Variants in FGGY observed in about 807,000 individuals in gnomAD.
FGGY encodes the protein FGGY carbohydrate kinase domain containing, also known as FGGY carbohydrate kinase domain-containing protein.
FGGY carries 72 observed loss-of-function variants against 71.3 expected under a neutral mutation model. The observed-to-expected ratio is 1.01, with a 90% CI of 0.84 to 1.23. FGGY has a LOEUF of 1.23. Among genes scored for constraint, FGGY ranks in the 50% most tolerant of loss-of-function variants. The pLI is 0.00. For synonymous variants in FGGY, 251 were observed against 250.3 expected, an observed-to-expected ratio of 1.00 and a Z score of -0.02; for missense variants, 668 against 682.3, an observed-to-expected ratio of 0.98 and a Z score of 0.23.
intron 7 of FGGY, among the ~76,000 whole-genome samples, chr1:59,538,269 A>G (rs529269892): frequency 3.3e-5 from 5 of 151,962 alleles, no homozygotes; most frequent in Admixed American, 2.6e-4. Flanking sequence ...GCCATCAGAG[A>G]AATGCAAATC....
intron 1 of FGGY, among the ~76,000 whole-genome samples, chr1:59,305,135 C>G (rs973832202): frequency 2.0e-5 from 3 of 152,066 alleles, no homozygotes; most frequent in African/African-American, 4.8e-5. Context: ...TCTCTTGTTC[C>G]TGATCTTAAA....
At chr1:59,592,571 G>A (rs1267487465) in intron 8 of FGGY, among the ~76,000 whole-genome samples, 2 of 152,144 alleles carry the variant, frequency 1.3e-5, no homozygotes, top group African/African-American at 2.4e-5. Context: ...TTAAGAAAAT[G>A]TGGCACATAT....
rs551128248 is a variant in FGGY, at chr1:59,405,322, CT to C, written c.554+26490del. 1.9e-4 allele frequency among the ~76,000 whole-genome samples: 29 copies of C among 152,310 alleles called. No individual in the cohort carries two copies. The East Asian group carries it at 5.6e-3, about 29-fold the overall frequency. The stretch of plus-strand genomic sequence containing the variant: ...ACTATGCTTTTGTGCTATCCTGATG[CT>C]TTTTCGATTCTGTAACTTATTCCTG... On this transcript the variant is annotated intron_variant, in intron 5 of 15. Transcript: ENST00000303721.
At chr1:59,578,700 G>A (rs1256099194) in intron 8 of FGGY, among the ~76,000 whole-genome samples, 1 of 152,016 alleles carries the variant, frequency 6.6e-6, no homozygotes, top group Non-Finnish European at 1.5e-5. Flanking sequence ...ACAGTTCGTG[G>A]AACAAATTTA....
chr1:59,486,966 G>T (rs554025010), intron 6 of FGGY, among the ~76,000 whole-genome samples: 3 of 152,100 alleles, frequency 2.0e-5, no homozygotes, highest in Non-Finnish European at 2.9e-5. Context: ...AGTCTAGGTT[G>T]TATGAAAAAA....
chr1:59,687,668 C>G (rs1192452739), intron 14 of FGGY, among the ~76,000 whole-genome samples: 3 of 151,488 alleles, frequency 2.0e-5, no homozygotes, highest in Admixed American at 1.3e-4. Flanking sequence ...TGGTGTTTCA[C>G]CGTGTTAGCC....
At chr1:59,303,137 A>C (rs2043016299) in intron 1 of FGGY, among the ~76,000 whole-genome samples, 1 of 152,208 alleles carries the variant, frequency 6.6e-6, no homozygotes, top group East Asian at 1.9e-4. Flanking sequence ...TGGTGAGAAC[A>C]CTTAAGATTT....
intron 5 of FGGY, among the ~76,000 whole-genome samples, chr1:59,403,607 G>A (rs2062285293): frequency 6.6e-6 from 1 of 152,162 alleles, no homozygotes. Flanking sequence ...GGGCCACCTG[G>A]CAAAAGGACA....
chr1:59,567,320 AAT>A (rs145950972), intron 8 of FGGY, among the ~76,000 whole-genome samples: 2 of 151,402 alleles, frequency 1.3e-5, no homozygotes, highest in South Asian at 2.1e-4. Context: ...GCAGGCCAAA[AAT>A]ATATATATAT....
intron 5 of FGGY, among the ~76,000 whole-genome samples, chr1:59,440,195 T>C (rs2069476218): frequency 6.6e-6 from 1 of 150,780 alleles, no homozygotes; most frequent in East Asian, 1.9e-4. Flanking sequence ...GCCCTAAGAG[T>C]GCTCTCAATT....
chr1:59,695,078 A>G (rs143221585), intron 14 of FGGY, among the ~76,000 whole-genome samples: 6 of 152,350 alleles, frequency 3.9e-5, no homozygotes, highest in African/African-American at 1.2e-4. Context: ...GAAAACTCCT[A>G]CTAATCCTTC....
chr1:59,641,203 A>G (rs2097022472), intron 11 of FGGY: 2 of 1,162,488 alleles, frequency 1.7e-6, no homozygotes, highest in East Asian at 2.5e-5. Flanking sequence ...TCCTTGTATC[A>G]TTGTCTAACC....
At chr1:59,372,240 C>T (rs907436941) in intron 4 of FGGY, among the ~76,000 whole-genome samples, 2 of 152,024 alleles carry the variant, frequency 1.3e-5, no homozygotes, top group African/African-American at 4.8e-5. Flanking sequence ...ACCACCGATC[C>T]CACAGAAATA....
intron 6 of FGGY, among the ~76,000 whole-genome samples, chr1:59,474,882 G>A (rs571146418): frequency 3.3e-5 from 5 of 152,238 alleles, no homozygotes; most frequent in African/African-American, 9.6e-5. Flanking sequence ...ATGTAACTTT[G>A]GGTGAGTTAC....
At chr1:59,492,305 T>G in intron 6 of FGGY, among the ~76,000 whole-genome samples, 1 of 152,154 alleles carries the variant, frequency 6.6e-6, no homozygotes, top group East Asian at 1.9e-4. Context: ...AAGGTGATCC[T>G]TGGCTGTCTG....
At chr1:59,420,124 C>CT (rs981384871) in intron 5 of FGGY, among the ~76,000 whole-genome samples, 1 of 152,138 alleles carries the variant, frequency 6.6e-6, no homozygotes, top group African/African-American at 2.4e-5. Context: ...TAAGCAGCCG[C>CT]TTTGGGCCCT....
chr1:59,736,284 A>G (rs2098102706), intron 14 of FGGY, among the ~76,000 whole-genome samples: 1 of 152,122 alleles, frequency 6.6e-6, no homozygotes, highest in Non-Finnish European at 1.5e-5. Flanking sequence ...ATAGACTAAT[A>G]TAGTAAATTG....
At chr1:59,597,422 T>G (rs998267270) in intron 8 of FGGY, among the ~76,000 whole-genome samples, 3 of 152,222 alleles carry the variant, frequency 2.0e-5, no homozygotes, top group Non-Finnish European at 4.4e-5. Context: ...AGTGATCGTG[T>G]TGATTCTTTC....
chr1:59,580,109 G>C (rs1016791707), intron 8 of FGGY, among the ~76,000 whole-genome samples: 2 of 152,100 alleles, frequency 1.3e-5, no homozygotes, highest in Non-Finnish European at 2.9e-5. Flanking sequence ...GGTCTATCCA[G>C]ACCACCCTAT....
Sources: allele counts gnomAD v4.1 joint callset (sites outside exome capture counted in the v4.1 genomes callset), GRCh38; gene constraint gnomAD v4.1.1; transcripts MANE v1.5; gene names NCBI Gene and HGNC (gene_info 2026-07-23, HGNC 2026-07-21).